The following TMCO4 variants were observed in gnomAD, a reference collection of about 807,000 sequenced individuals.
The protein encoded by TMCO4 is transmembrane and coiled-coil domain-containing protein 4.
Under a neutral mutation model 64.7 loss-of-function variants are expected in TMCO4, and 58 were observed. The observed-to-expected ratio is 0.90, with a 90% CI of 0.73 to 1.12. TMCO4 has a LOEUF of 1.12. Ranked by LOEUF, TMCO4 falls within the 50% of genes most tolerant of loss-of-function variation. TMCO4 has a pLI of 0.00. For synonymous variants in TMCO4, 325 were observed against 346.1 expected (o/e 0.94, Z 0.68); for missense variants, 780 against 825.9 (o/e 0.94, Z 0.68).
chr1:19,740,739 G>T, intron 11 of TMCO4, 38 bp downstream of exon 11: 4 of 1,583,386 alleles, frequency 2.5e-6, no homozygotes, highest in Non-Finnish European at 3.4e-6. Context: ...TGAAGGCAGT[G>T]GGCATGCTGT....
At chr1:19,692,479 C>CA (rs1224324682) in intron 15 of TMCO4, among the ~76,000 whole-genome samples, 8 of 151,174 alleles carry the variant, frequency 5.3e-5, no homozygotes, top group African/African-American at 1.9e-4. Flanking sequence ...CCTATAATCC[C>CA]AGCACTTTGG....
intron 5 of TMCO4, among the ~76,000 whole-genome samples, 154 bp downstream of exon 5, chr1:19,771,152 TAA>T (rs2042961854): frequency 6.6e-6 from 1 of 152,220 alleles, no homozygotes. Context: ...TCAATAATGA[TAA>T]TTCAACATCA....
In TMCO4 at chr1:19,683,429, C is replaced by T; in HGVS notation, c.1516G>A (p.Asp506Asn). Residue 506 changes from aspartate (D) to asparagine (N), a missense_variant, in exon 16 of 16, where the codon GAC becomes AAC. Coordinates refer to ENST00000294543, the MANE Select transcript of TMCO4 (RefSeq NM_181719.7). ...DLTSVVSGHL[D>N]YAKQMDAILK... The stretch of plus-strand genomic sequence containing the variant: ...ATGGCATCCATCTGCTTGGCATAGT[C>T]CAGGTGGCCGCTGACCTGCAGGAGA... 6.2e-7 allele frequency: 1 copy of T among 1,612,856 alleles called. No homozygotes were observed. Among genetic ancestry groups the T allele is most frequent in the Non-Finnish European group, 8.5e-7 (1 of 1,180,000 alleles).
intron 4 of TMCO4, among the ~76,000 whole-genome samples, chr1:19,776,522 G>C (rs576735868): frequency 6.6e-6 from 1 of 152,328 alleles, no homozygotes; most frequent in African/African-American, 2.4e-5. Context: ...GCTAGGTACT[G>C]GTTTATCAGG....
chr1:19,734,659 CCT>C lies in TMCO4; in HGVS notation c.1264+2711_1264+2712del, dbSNP rs2095445509. 6.6e-6 allele frequency among the ~76,000 whole-genome samples: 1 copy of C among 152,104 alleles called. No homozygotes were observed. The highest frequency in any genetic ancestry group is 1.5e-5 in the Non-Finnish European group (1 of 68,000). ...CCAGATGCCACCGTTTCTAGACACC[CCT>C]GAGAGCCCCGCCTTTGCCCATGCTG... On this transcript the variant is annotated intron_variant, in intron 13 of 15. Coordinates refer to ENST00000294543, the MANE Select transcript of TMCO4 (RefSeq NM_181719.7). This position sits in a 1 kb window ranked among gnomAD's most constrained non-coding sequence, Gnocchi z 4.4.
At chr1:19,713,651 G>T (rs1444107888) in intron 13 of TMCO4, among the ~76,000 whole-genome samples, 1 of 151,832 alleles carries the variant, frequency 6.6e-6, no homozygotes, top group Non-Finnish European at 1.5e-5. Flanking sequence ...GTGAGCTATG[G>T]TTGTACCACT....
rs1251686911 is a variant in TMCO4, at chr1:19,740,898, C to T, written c.921G>A (p.Glu307=). 9 of 1,613,896 alleles carry T rather than the reference C, an allele frequency of 5.6e-6. 1 individual carries two copies. In the Admixed American group the frequency reaches 1.3e-4, roughly 24 times the overall value. The change falls in exon 11 of 16, where the codon GAG becomes GAA. Residue 307 remains glutamate (E), a synonymous_variant. Transcript: ENST00000294543. ...APWAALAHSR[E]QYCLAWEAKY... ...TGGCTTCCCAGGCCAGGCAGTACTG[C>T]TCACGGCTGTGGGCCAGGGCAGCCC...
chr1:19,749,333 G>A (rs1475939022), intron 7 of TMCO4, among the ~76,000 whole-genome samples: 3 of 152,128 alleles, frequency 2.0e-5, no homozygotes, highest in Non-Finnish European at 4.4e-5. Flanking sequence ...TGTAGGTGGA[G>A]GTGATATGTG....
chr1:19,764,476 C>T (rs1037688617), intron 6 of TMCO4, among the ~76,000 whole-genome samples: 18 of 152,214 alleles, frequency 1.2e-4, no homozygotes, highest in Admixed American at 2.0e-4. Flanking sequence ...GTGCCTCACA[C>T]GGGGCCGGGC....
Position 19,694,515 on chromosome 1 carries a change from G to A in TMCO4, c.1419C>T (p.Ser473=). The change falls in exon 15 of 16, where the codon TCC becomes TCT. Residue 473 remains serine, a synonymous_variant. Transcript: ENST00000294543. Reference sequence around the variant, plus strand: ...GGCCGGCGACACGGAGCTGCACCGAGGATGTGCGGTACACGAAACTCAGCA... The same window carrying A: ...GGCCGGCGACACGGAGCTGCACCGAAGATGTGCGGTACACGAAACTCAGCA... The part of the protein sequence containing the change: ...DWLLSFVYRT[S]SVQLRVAGLQ... 1 of 1,614,124 alleles carries A rather than the reference G, an allele frequency of 6.2e-7. No homozygotes were observed. The highest frequency in any genetic ancestry group is 8.5e-7 in the Non-Finnish European group (1 of 1,179,976).
intron 12 of TMCO4, among the ~76,000 whole-genome samples, chr1:19,737,795 C>T (rs1055041592): frequency 3.9e-5 from 6 of 152,264 alleles, no homozygotes; most frequent in Non-Finnish European, 8.8e-5. Context: ...ACTTCCCTTG[C>T]ACTGATCTGC....
At position 19,683,393 on chromosome 1, in the gene TMCO4, C is replaced by T. The variant is rs754745907; in HGVS notation, c.1552G>A (p.Val518Met). 17 of 1,613,578 alleles carry T rather than the reference C, an allele frequency of 1.1e-5. No homozygotes were observed. In the Admixed American group the frequency reaches 1.8e-4, roughly 17 times the overall value. ...CAGCCTGGCTTGGTGCGGATGCCCA[C>T]GGCCTTCAGGATGGCATCCATCTGC... Reference protein sequence around the residue: ...AKQMDAILKAVGIRTKPGWDE... With the variant: ...AKQMDAILKAMGIRTKPGWDE... The change falls in exon 16 of 16, where the codon GTG becomes ATG. Residue 518 changes from valine to methionine, a missense_variant. Val to Met is a conservative substitution (Grantham distance 21). Transcript: ENST00000294543.
intron 13 of TMCO4, among the ~76,000 whole-genome samples, chr1:19,719,371 T>C (rs889564142): frequency 6.6e-6 from 1 of 152,210 alleles, no homozygotes; most frequent in African/African-American, 2.4e-5. Context: ...AGGAGAAATA[T>C]GCAGTCAACT....
intron 6 of TMCO4, among the ~76,000 whole-genome samples, chr1:19,765,202 G>A (rs1207615118): frequency 6.6e-6 from 1 of 152,164 alleles, no homozygotes; most frequent in African/African-American, 2.4e-5. Context: ...AACTTACTTT[G>A]AAATGTAATC....
intron 13 of TMCO4, among the ~76,000 whole-genome samples, chr1:19,723,560 G>A (rs1287168948): frequency 1.3e-5 from 2 of 152,216 alleles, no homozygotes; most frequent in African/African-American, 4.8e-5. Context: ...CAGGGACCCT[G>A]TGGGAAGAAG....
At position 19,683,132 on chromosome 1, in the gene TMCO4, G is replaced by A. The variant is rs945011666; in HGVS notation, c.1813C>T (p.Pro605Ser). The change falls in exon 16 of 16, where the codon CCC becomes TCC. Residue 605 changes from proline (P) to serine (S), a missense_variant. By Grantham distance (74) the Pro-to-Ser change is moderately conservative (BLOSUM62 -1). Coordinates refer to ENST00000294543, the MANE Select transcript of TMCO4 (RefSeq NM_181719.7). ...TCCATGCCATGGCTGCAGATGGGGG[G>A]CCTTTCAGGGCTGGCAGCAGCAGGA... The part of the protein sequence containing the change: ...SLPAAASPER[P>S]PICSHGMDPN... 2.1e-5 allele frequency: 34 copies of A among 1,613,718 alleles called. No homozygotes were observed. Among genetic ancestry groups the A allele is most frequent in the East Asian group, 4.5e-5 (2 of 44,900 alleles).
At chr1:19,772,470 G>C (rs1042817126) in intron 4 of TMCO4, among the ~76,000 whole-genome samples, 3 of 152,144 alleles carry the variant, frequency 2.0e-5, no homozygotes, top group Non-Finnish European at 4.4e-5. Flanking sequence ...AGGGGAGAAG[G>C]AAGCCTTTGA....
chr1:19,718,072 C>G (rs1271353905), intron 13 of TMCO4, among the ~76,000 whole-genome samples: 3 of 152,074 alleles, frequency 2.0e-5, no homozygotes, highest in Non-Finnish European at 4.4e-5. Context: ...GTGACTCATG[C>G]CTATAATTGT....
At chr1:19,758,967 T>C (rs1205144580) in intron 6 of TMCO4, among the ~76,000 whole-genome samples, 1 of 151,844 alleles carries the variant, frequency 6.6e-6, no homozygotes, top group Non-Finnish European at 1.5e-5. Flanking sequence ...CCAGGTATGG[T>C]GGCACACGTT....
Sources: allele counts gnomAD v4.1 joint callset (sites outside exome capture counted in the v4.1 genomes callset), GRCh38; gene constraint gnomAD v4.1.1; non-coding constraint Gnocchi (gnomAD v3.1); transcripts MANE v1.5; gene names NCBI Gene and HGNC (gene_info 2026-07-23, HGNC 2026-07-21).